The following ESRP1 variants were observed in gnomAD, a reference collection of about 807,000 sequenced individuals.
ESRP1 encodes the protein epithelial splicing regulatory protein 1.
ESRP1 carries 33 observed loss-of-function variants against 81.7 expected under a neutral mutation model. That is an observed-to-expected ratio of 0.40 (90% CI 0.31 to 0.54). The LOEUF is 0.54. Ranked by LOEUF, ESRP1 falls within the 20% of genes least tolerant of loss-of-function variation. The probability of loss-of-function intolerance (pLI) is 0.41; values close to 1 mark genes in which losing one functional copy is unlikely to be tolerated. For missense variants in ESRP1, 672 were observed against 833.1 expected, an observed-to-expected ratio of 0.81 and a Z score of 2.38; for synonymous variants, 320 against 303.3, an observed-to-expected ratio of 1.06 and a Z score of -0.57.
intron 13 of ESRP1, among the ~76,000 whole-genome samples, chr8:94,690,415 G>A (rs538810301): frequency 1.3e-5 from 2 of 150,328 alleles, no homozygotes; most frequent in East Asian, 3.9e-4. Context: ...TCACAGGTAT[G>A]AGCCACTGCA....
chr8:94,692,543 T>C, intron 13 of ESRP1, 134 bp from the exon 14 acceptor site: 1 of 944,056 alleles, frequency 1.1e-6, no homozygotes, highest in East Asian at 2.7e-5. Flanking sequence ...TCACCTGTCT[T>C]AGGAAAGACA....
At chr8:94,696,806 C>T (rs1321795170) in intron 14 of ESRP1, 46 bp from the exon 15 acceptor site, 32 of 1,388,656 alleles carry the variant, frequency 2.3e-5, no homozygotes, top group Non-Finnish European at 3.2e-5. Context: ...TCCATAGTGA[C>T]AGTTTGTCCG....
At chr8:94,657,314 C>T (rs1280922935) in intron 4 of ESRP1, among the ~76,000 whole-genome samples, 2 of 152,152 alleles carry the variant, frequency 1.3e-5, no homozygotes, top group African/African-American at 4.8e-5. Context: ...CTTTCCTTTC[C>T]TCAAGATCAG....
At chr8:94,673,892 T>C (rs1819458278) in intron 11 of ESRP1, among the ~76,000 whole-genome samples, 2 of 152,168 alleles carry the variant, frequency 1.3e-5, no homozygotes, top group Admixed American at 1.3e-4. Flanking sequence ...CAGTTTCCTG[T>C]AGGAGGGTAC....
chr8:94,651,143 A>T (rs7827723), intron 4 of ESRP1, among the ~76,000 whole-genome samples: 49,398 of 151,822 alleles, frequency 0.33, 9,535 homozygotes, highest in East Asian at 0.56. Context: ...AGGGAAAGCA[A>T]TGAGGCCTTG....
Position 94,696,833 on chromosome 8 carries a change from G to A in ESRP1, c.1972-19G>A. The stretch of plus-strand genomic sequence containing the variant: ...GTTTGTCCGTCTTTTGATCTTGTTT[G>A]TTTTAACTTGCATTTTAGTATGCAA... On this transcript the variant is annotated intron_variant, in intron 14 of 15. Transcript: ENST00000433389. The A allele has an allele frequency of 6.5e-7, 1 of 1,545,112 alleles. No individual in the cohort carries two copies. Among genetic ancestry groups the A allele is most frequent in the Non-Finnish European group, 8.8e-7 (1 of 1,140,858 alleles).
intron 4 of ESRP1, among the ~76,000 whole-genome samples, chr8:94,652,737 C>A (rs77794449): frequency 0.022 from 3,293 of 152,138 alleles, 90 homozygotes; most frequent in African/African-American, 0.071. Flanking sequence ...TTATTAAGAT[C>A]TTATTTTTCT....
intron 13 of ESRP1, among the ~76,000 whole-genome samples, chr8:94,690,508 C>A (rs539947480): frequency 1.3e-5 from 2 of 151,808 alleles, no homozygotes; most frequent in African/African-American, 4.8e-5. Context: ...ATTTTTCTTA[C>A]GATTCCTTGT....
At chr8:94,690,863 A>G (rs1327202952) in intron 13 of ESRP1, among the ~76,000 whole-genome samples, 1 of 152,186 alleles carries the variant, frequency 6.6e-6, no homozygotes, top group Non-Finnish European at 1.5e-5. Flanking sequence ...ATGGTCTTTG[A>G]GTATTAGACT....
chr8:94,680,893 T>A (rs1335281702), intron 13 of ESRP1, among the ~76,000 whole-genome samples: 1 of 152,116 alleles, frequency 6.6e-6, no homozygotes, highest in African/African-American at 2.4e-5. Flanking sequence ...TGTTTTTCTT[T>A]ATTTTTAAAT....
At chr8:94,674,263 A>C (rs755017699) in intron 11 of ESRP1, 45 bp from the exon 12 acceptor site, 1 of 1,578,436 alleles carries the variant, frequency 6.3e-7, no homozygotes, top group Non-Finnish European at 8.6e-7. Context: ...TCCTTGTTGA[A>C]GGAGACAGTC....
intron 15 of ESRP1, among the ~76,000 whole-genome samples, chr8:94,700,953 ATGTGTGTG>A (rs371493650): frequency 0.08 from 11,014 of 137,310 alleles, 606 homozygotes; most frequent in African/African-American, 0.15. Context: ...GTGTGTGTGT[ATGTGTGTG>A]TGTGTGTGTG....
chr8:94,692,582 T>G, intron 13 of ESRP1, 95 bp from the exon 14 acceptor site: 315 of 1,352,982 alleles, frequency 2.3e-4, no homozygotes, highest in Middle Eastern at 3.7e-4. Context: ...AAGGTTGCCT[T>G]GAGAAATTCT....
intron 13 of ESRP1, among the ~76,000 whole-genome samples, chr8:94,689,336 T>A (rs1037241687): frequency 2.0e-5 from 3 of 151,850 alleles, no homozygotes. Context: ...CTTTTAACAA[T>A]GTTTTGTAGT....
rs192171268 is a variant in ESRP1 at position 94,689,599 on chromosome 8, A to G, written c.1821-3078A>G. On this transcript the variant is annotated intron_variant, in intron 13 of 15. Coordinates refer to ENST00000433389, the MANE Select transcript of ESRP1 (RefSeq NM_017697.4). The stretch of plus-strand genomic sequence containing the variant: ...TCTTGCCATTTTTATAATGTAAATT[A>G]TTTTTGCTGATTCTTATTTCAGTAA... Among the ~76,000 whole-genome samples the G allele has an allele frequency of 3.3e-3, 502 of 151,920 alleles. 1 individual carries two copies. The highest frequency in any genetic ancestry group is 0.011 in the African/African-American group (462 of 41,462).
chr8:94,643,637 C>A (rs1586167931), intron 3 of ESRP1, among the ~76,000 whole-genome samples: 1 of 152,126 alleles, frequency 6.6e-6, no homozygotes, highest in African/African-American at 2.4e-5. Flanking sequence ...TTTTACTGAA[C>A]CATACTCTTA....
At chr8:94,648,697 G>T (rs1005613720) in intron 4 of ESRP1, among the ~76,000 whole-genome samples, 1 of 152,230 alleles carries the variant, frequency 6.6e-6, no homozygotes, top group South Asian at 2.1e-4. Context: ...GTAAACCAGT[G>T]GGGGAGGGAA....
rs958217424 is a variant in ESRP1 at position 94,659,410 on chromosome 8, G to C, written c.491-2862G>C. Among the ~76,000 whole-genome samples, 13 of 152,132 alleles carry C rather than the reference G, an allele frequency of 8.5e-5. No homozygotes were observed. In the East Asian group the frequency reaches 2.5e-3, roughly 29 times the overall value. On this transcript the variant is annotated intron_variant, in intron 4 of 15. Transcript: ENST00000433389. ...CCATATTAGGTGGCAAACTTAATTG[G>C]TCAGTGTTGTGTGTGTTCGGCTGCT...
intron 4 of ESRP1, among the ~76,000 whole-genome samples, chr8:94,658,580 A>C (rs1818556387): frequency 6.6e-6 from 1 of 152,206 alleles, no homozygotes; most frequent in Non-Finnish European, 1.5e-5. Flanking sequence ...GTACCTGAGC[A>C]CTGTTGAGAA....
Sources: gnomAD v4.1 joint callset for allele counts (sites outside exome capture counted in the v4.1 genomes callset) on GRCh38, gnomAD v4.1.1 for gene constraint, MANE v1.5 for transcripts, NCBI Gene and HGNC (gene_info 2026-07-23, HGNC 2026-07-21) for gene names.